The following NINJ2 variants were observed in gnomAD, a reference collection of about 807,000 sequenced individuals.
NINJ2 encodes ninjurin 2, also known as ninjurin-2.
In NINJ2, 12 loss-of-function variants were observed where a neutral mutation model predicts 11.7. The ratio of observed to expected loss-of-function variants is 1.02; its 90% CI spans 0.66 to 1.66. The LOEUF (loss-of-function observed/expected upper bound fraction) is 1.66. Ranked by LOEUF, NINJ2 falls within the 40% of genes most tolerant of loss-of-function variation. The pLI is 0.00. For missense variants in NINJ2, 187 were observed against 181.8 expected, an observed-to-expected ratio of 1.03 and a Z score of -0.16; for synonymous variants, 93 against 76.8, an observed-to-expected ratio of 1.21 and a Z score of -1.10.
At chr12:593,201 A>C (rs559475952) in intron 1 of NINJ2, among the ~76,000 whole-genome samples, 4 of 152,334 alleles carry the variant, frequency 2.6e-5, no homozygotes, top group African/African-American at 9.6e-5. Context: ...TAATGACTAC[A>C]TTGTTCATTT....
chr12:610,436 CG>C, intron 1 of NINJ2: 1 of 1,535,408 alleles, frequency 6.5e-7, no homozygotes, highest in Non-Finnish European at 8.7e-7. Context: ...GAAGTCTCAA[CG>C]GAAAATGAGG....
chr12:602,645 G>A (rs6489652), intron 1 of NINJ2, among the ~76,000 whole-genome samples: 39,919 of 151,992 alleles, frequency 0.26, 6,108 homozygotes, highest in African/African-American at 0.41. Context: ...GGGTCATACC[G>A]TACCTCTGTG....
chr12:640,390 G>A lies in NINJ2; in HGVS notation c.33+22938C>T, dbSNP rs1948403782. Among the ~76,000 whole-genome samples the A allele has an allele frequency of 6.6e-6, 1 of 152,176 alleles. No individual in the cohort carries two copies. The highest frequency in any genetic ancestry group is 1.5e-5 in the Non-Finnish European group (1 of 68,038). ...CTCCTTGCCTGAGCAAAGTTAAAGT[G>A]TAGTTCTTTCAATACAATTCATTCA... On this transcript the variant is annotated intron_variant, in intron 1 of 3. Transcript: ENST00000305108. The surrounding 1 kb of genome is among the most constrained non-coding windows in gnomAD (Gnocchi z 4.0).
At chr12:641,844 CA>C (rs10549771) in intron 1 of NINJ2, among the ~76,000 whole-genome samples, 25,766 of 116,656 alleles carry the variant, frequency 0.22, 2,265 homozygotes, top group East Asian at 0.31. Flanking sequence ...GACTCCGTCT[CA>C]AAAAAAAAAA....
At chr12:570,396 G>A (rs1947360553) in intron 1 of NINJ2, among the ~76,000 whole-genome samples, 1 of 152,232 alleles carries the variant, frequency 6.6e-6, no homozygotes, top group Non-Finnish European at 1.5e-5. Flanking sequence ...AGCGGGAGGA[G>A]AGGATCAGAT....
chr12:577,550 TGAA>T (rs919226425), intron 1 of NINJ2, among the ~76,000 whole-genome samples: 17 of 150,076 alleles, frequency 1.1e-4, no homozygotes, highest in African/African-American at 3.7e-4. Context: ...ATTCTACAAG[TGAA>T]GAAGTTGAGG....
intron 1 of NINJ2, among the ~76,000 whole-genome samples, chr12:613,188 G>A (rs1948054553): frequency 6.6e-6 from 1 of 152,200 alleles, no homozygotes; most frequent in Admixed American, 6.5e-5. Context: ...CCATGCTAAT[G>A]AGCAAAATCC....
intron 1 of NINJ2, among the ~76,000 whole-genome samples, chr12:576,303 C>G (rs1408349325): frequency 6.6e-6 from 1 of 152,098 alleles, no homozygotes; most frequent in Non-Finnish European, 1.5e-5. Context: ...AACGGCGCGG[C>G]GAGGCCCCAG....
chr12:611,255 C>CTCTT (rs1209670565), intron 1 of NINJ2, among the ~76,000 whole-genome samples: 4 of 71,284 alleles, frequency 5.6e-5, no homozygotes, highest in East Asian at 4.0e-4. Flanking sequence ...TTCTCTCTCT[C>CTCTT]TCTTTCTTTC....
intron 1 of NINJ2, among the ~76,000 whole-genome samples, chr12:613,560 G>A (rs1376703190): frequency 6.6e-6 from 1 of 151,822 alleles, no homozygotes; most frequent in Non-Finnish European, 1.5e-5. Context: ...AGTGAGCCAA[G>A]ATTGCGACAT....
In NINJ2 at chr12:633,906, C is replaced by T. The variant is rs1351631690; in HGVS notation, c.33+29422G>A. Among the ~76,000 whole-genome samples the T allele has an allele frequency of 6.6e-6, 1 of 152,112 alleles. No individual in the cohort carries two copies. The highest frequency in any genetic ancestry group is 1.5e-5 in the Non-Finnish European group (1 of 68,014). On this transcript the variant is annotated intron_variant, in intron 1 of 3. Coordinates refer to ENST00000305108, the MANE Select transcript of NINJ2 (RefSeq NM_016533.6). This position sits in a 1 kb window ranked among gnomAD's most constrained non-coding sequence, Gnocchi z 4.3. Reference sequence around the variant, plus strand: ...TTTAAAAATCCCCCATAATTCGGCCCCACCCCACCTATCCAGTTGTGCTTT... The same window carrying T: ...TTTAAAAATCCCCCATAATTCGGCCTCACCCCACCTATCCAGTTGTGCTTT...
chr12:581,745 C>T lies in NINJ2; in HGVS notation c.34-15567G>A, dbSNP rs569252789. 1.1e-4 allele frequency among the ~76,000 whole-genome samples: 16 copies of T among 152,262 alleles called. No homozygotes were observed. Among genetic ancestry groups the T allele is most frequent in the Admixed American group, 7.9e-4 (12 of 15,286 alleles). ...CGCAGCTTCGGTGCTTCCCAGCTCA[C>T]TCGTCTGTAGAAAGAGGAGACACCC... On this transcript the variant is annotated intron_variant, in intron 1 of 3. Transcript: ENST00000305108. This position sits in a 1 kb window ranked among gnomAD's most constrained non-coding sequence, Gnocchi z 4.9.
intron 1 of NINJ2, chr12:610,316 T>C: frequency 6.5e-7 from 1 of 1,528,314 alleles, no homozygotes. Flanking sequence ...GCTGAGCTGG[T>C]GAAGATCCCG....
At chr12:629,896 A>AAAAAATATATATATAT in intron 1 of NINJ2, among the ~76,000 whole-genome samples, 3 of 9,902 alleles carry the variant, frequency 3.0e-4, no homozygotes, top group Non-Finnish European at 1.4e-3. Flanking sequence ...AAAAAAAAAA[A>AAAAAATATATATATAT]ATATATATAT....
At chr12:634,734 G>A (rs1041494816) in intron 1 of NINJ2, among the ~76,000 whole-genome samples, 2 of 152,156 alleles carry the variant, frequency 1.3e-5, no homozygotes, top group African/African-American at 2.4e-5. Flanking sequence ...TTTGCCCAAC[G>A]CTGACATTTT....
chr12:629,168 T>G (rs1948241231), intron 1 of NINJ2, among the ~76,000 whole-genome samples: 1 of 152,240 alleles, frequency 6.6e-6, no homozygotes, highest in African/African-American at 2.4e-5. Flanking sequence ...GACCCCTTTC[T>G]GGCAATGATA....
intron 1 of NINJ2, among the ~76,000 whole-genome samples, chr12:579,204 C>T (rs928457031): frequency 6.6e-6 from 1 of 152,186 alleles, no homozygotes; most frequent in Non-Finnish European, 1.5e-5. Context: ...CTCTGGCTAT[C>T]GTCCAGGTGA....
intron 1 of NINJ2, among the ~76,000 whole-genome samples, chr12:636,554 A>G (rs12299990): frequency 0.012 from 1,763 of 152,234 alleles, 33 homozygotes; most frequent in African/African-American, 0.04. Flanking sequence ...AACTCAATTC[A>G]AAAAAGGAGA....
At chr12:607,419 AAG>A (rs1054881144) in intron 1 of NINJ2, among the ~76,000 whole-genome samples, 2 of 152,210 alleles carry the variant, frequency 1.3e-5, no homozygotes, top group African/African-American at 2.4e-5. Context: ...CAATCTCAGA[AAG>A]AGTTCCTGGG....
Sources: allele counts gnomAD v4.1 joint callset (sites outside exome capture counted in the v4.1 genomes callset), GRCh38; gene constraint gnomAD v4.1.1; non-coding constraint Gnocchi (gnomAD v3.1); transcripts MANE v1.5; gene names NCBI Gene and HGNC (gene_info 2026-07-23, HGNC 2026-07-21).